PHF20L1: variants seen among roughly 807,000 people sequenced by gnomAD.
The protein encoded by PHF20L1 is PHD finger protein 20 like 1.
In PHF20L1, 44 loss-of-function variants were observed where a neutral mutation model predicts 125.5. The ratio of observed to expected loss-of-function variants is 0.35; its 90% CI spans 0.28 to 0.45. The LOEUF (loss-of-function observed/expected upper bound fraction) is 0.45. PHF20L1 is among the 20% of genes least tolerant of loss of function. The pLI is 1.00. For synonymous variants in PHF20L1, 380 were observed against 403.1 expected (o/e 0.94, Z 0.69); for missense variants, 1,012 against 1,217.2 (o/e 0.83, Z 2.51).
chr8:132,778,783 C>G (rs191007203), intron 2 of PHF20L1, among the ~76,000 whole-genome samples: 1 of 152,270 alleles, frequency 6.6e-6, no homozygotes, highest in East Asian at 1.9e-4. Flanking sequence ...GGCTCCTAAC[C>G]TGAGAGGGGC....
intron 12 of PHF20L1, among the ~76,000 whole-genome samples, chr8:132,823,431 G>A (rs1835814368): frequency 6.6e-6 from 1 of 152,006 alleles, no homozygotes; most frequent in South Asian, 2.1e-4. Flanking sequence ...CTACTCAGAT[G>A]AATTTCAGTA....
chr8:132,830,903 T>C (rs1836700360), intron 14 of PHF20L1, among the ~76,000 whole-genome samples: 2 of 152,084 alleles, frequency 1.3e-5, no homozygotes, highest in South Asian at 4.1e-4. Context: ...CCACTTTTGT[T>C]GCCTTGTTGC....
intron 2 of PHF20L1, among the ~76,000 whole-genome samples, chr8:132,785,784 T>G (rs1830951845): frequency 6.6e-6 from 1 of 152,062 alleles, no homozygotes; most frequent in Non-Finnish European, 1.5e-5. Flanking sequence ...ATATTCAGAG[T>G]GTCTTGAAAG....
At chr8:132,825,670 A>G (rs960868138) in intron 14 of PHF20L1, among the ~76,000 whole-genome samples, 11 of 152,186 alleles carry the variant, frequency 7.2e-5, no homozygotes, top group Admixed American at 2.0e-4. Flanking sequence ...TCAAGTAATT[A>G]TTCTCAGTCT....
At chr8:132,825,228 G>T in intron 13 of PHF20L1, 36 bp from the exon 14 acceptor site, 4 of 1,591,210 alleles carry the variant, frequency 2.5e-6, no homozygotes, top group Non-Finnish European at 3.4e-6. Context: ...CTCAGGATCA[G>T]TCGTGATTGC....
intron 12 of PHF20L1, chr8:132,818,194 T>C (rs1212420749): frequency 6.6e-6 from 1 of 151,968 alleles, no homozygotes; most frequent in Non-Finnish European, 1.5e-5. Context: ...TGCATTGTTT[T>C]ATTTAGAAGT....
intron 9 of PHF20L1, 77 bp from the exon 10 acceptor site, chr8:132,814,560 T>G: frequency 9.8e-7 from 1 of 1,016,914 alleles, no homozygotes; most frequent in East Asian, 2.7e-5. Context: ...CTAAAGTTGC[T>G]TAACAGTCAA....
intron 2 of PHF20L1, among the ~76,000 whole-genome samples, chr8:132,786,675 C>G (rs576353371): frequency 1.3e-5 from 2 of 152,194 alleles, no homozygotes; most frequent in South Asian, 4.1e-4. Context: ...TTCATTACCT[C>G]TTTTAACATG....
chr8:132,821,361 G>GT (rs1325489460), intron 12 of PHF20L1, among the ~76,000 whole-genome samples: 3 of 151,914 alleles, frequency 2.0e-5, no homozygotes, highest in Non-Finnish European at 4.4e-5. Flanking sequence ...AAAAACAGAA[G>GT]TAGGTCATGG....
At chr8:132,813,222 C>A in intron 9 of PHF20L1, 1 of 499,878 alleles carries the variant, frequency 2.0e-6, no homozygotes, top group Non-Finnish European at 2.6e-6. Flanking sequence ...CTGGCAACAC[C>A]TTTTATAATA....
intron 4 of PHF20L1, among the ~76,000 whole-genome samples, chr8:132,798,502 A>G (rs1028197135): frequency 1.3e-5 from 2 of 152,042 alleles, no homozygotes; most frequent in Non-Finnish European, 2.9e-5. Context: ...AATTACTGCA[A>G]AATAAATTAT....
chr8:132,799,234 A>G, intron 6 of PHF20L1, 62 bp downstream of exon 6: 11 of 930,870 alleles, frequency 1.2e-5, no homozygotes, highest in Admixed American at 2.6e-5. Flanking sequence ...TCATTTAGAA[A>G]GTTAAAAATT....
chr8:132,784,150 G>C (rs1426892623), intron 2 of PHF20L1, among the ~76,000 whole-genome samples: 1 of 152,164 alleles, frequency 6.6e-6, no homozygotes, highest in Non-Finnish European at 1.5e-5. Flanking sequence ...TTTAGGGACA[G>C]AGAAGACTTA....
intron 2 of PHF20L1, among the ~76,000 whole-genome samples, chr8:132,782,798 G>C (rs990956406): frequency 7.3e-5 from 11 of 150,610 alleles, no homozygotes; most frequent in Middle Eastern, 3.4e-3. Flanking sequence ...TAGAGAAAGC[G>C]ATCTCTCTGT....
At chr8:132,814,075 T>C (rs1834698891) in intron 9 of PHF20L1, among the ~76,000 whole-genome samples, 1 of 151,892 alleles carries the variant, frequency 6.6e-6, no homozygotes, top group South Asian at 2.1e-4. Context: ...ATTGTGCTTA[T>C]GAAACTCTAG....
At chr8:132,791,057 CT>C (rs1831631162) in intron 2 of PHF20L1, among the ~76,000 whole-genome samples, 1 of 152,070 alleles carries the variant, frequency 6.6e-6, no homozygotes, top group African/African-American at 2.4e-5. Context: ...AGGTCTTCAT[CT>C]GTTAAATGTA....
chr8:132,807,248 T>G (rs1586939259), intron 8 of PHF20L1: 2 of 159,452 alleles, frequency 1.3e-5, no homozygotes, highest in African/African-American at 4.8e-5. Context: ...TTTCATTATG[T>G]CATGTACCTT....
At chr8:132,816,383 A>G (rs1433022200) in intron 10 of PHF20L1, 1 of 148,206 alleles carries the variant, frequency 6.7e-6, no homozygotes, top group African/African-American at 2.5e-5. Context: ...TTTGGGGGGG[A>G]TGATGATGGG....
At chr8:132,778,819 G>C (rs889940253) in intron 2 of PHF20L1, among the ~76,000 whole-genome samples, 16 of 152,224 alleles carry the variant, frequency 1.1e-4, no homozygotes, top group African/African-American at 3.1e-4. Context: ...CTTCTGGGAG[G>C]GATGCTGCCT....
Sources: allele counts gnomAD v4.1 joint callset (sites outside exome capture counted in the v4.1 genomes callset), GRCh38; gene constraint gnomAD v4.1.1; transcripts MANE v1.5; gene names NCBI Gene and HGNC (gene_info 2026-07-23, HGNC 2026-07-21).